Variants in ERP44 observed in about 807,000 individuals in gnomAD.
ERP44 encodes endoplasmic reticulum resident protein 44.
ERP44 carries 25 observed loss-of-function variants against 53.4 expected under a neutral mutation model. The ratio of observed to expected loss-of-function variants is 0.47; its 90% CI spans 0.34 to 0.65. The LOEUF (loss-of-function observed/expected upper bound fraction) is 0.65, where lower values mean the gene tolerates loss of function less well. Ranked by LOEUF, ERP44 falls within the 30% of genes least tolerant of loss-of-function variation. The pLI, the probability that ERP44 is intolerant of heterozygous loss-of-function variation, is 0.01. For missense variants in ERP44, 338 were observed against 493.2 expected (o/e 0.69, Z 2.98); for synonymous variants, 145 against 161.2 (o/e 0.90, Z 0.76).
In ERP44 at chr9:100,057,860, CTGAAAT is replaced by C. The variant is rs1826101374; in HGVS notation, c.131-7_131-2del. 6.3e-7 allele frequency: 1 copy of C among 1,592,826 alleles called. No homozygotes were observed. The highest frequency in any genetic ancestry group is 1.1e-5 in the South Asian group (1 of 88,396). Reference sequence around the variant, plus strand: ...TTTACTAAAGCAACATCAGCATTGTCTGAAATTGAAAGACAAAACCAAATAAGATAT... The same window carrying C: ...TTTACTAAAGCAACATCAGCATTGTCTGAAAGACAAAACCAAATAAGATAT... On this transcript the variant is annotated splice_acceptor_variant and splice_polypyrimidine_tract_variant and intron_variant, in intron 2 of 11. Coordinates refer to ENST00000262455, the MANE Select transcript of ERP44 (RefSeq NM_015051.3). LOFTEE classifies it high-confidence loss of function.
intron 10 of ERP44, among the ~76,000 whole-genome samples, chr9:99,987,769 CT>C (rs377065514): frequency 6.8e-5 from 10 of 147,676 alleles, no homozygotes; most frequent in Non-Finnish European, 1.0e-4. Context: ...ATAAGAATGG[CT>C]TTTTTTTTTC....
chr9:100,085,291 T>C (rs1425197987), intron 1 of ERP44, among the ~76,000 whole-genome samples: 1 of 152,310 alleles, frequency 6.6e-6, no homozygotes, highest in African/African-American at 2.4e-5. Flanking sequence ...CAAGACCATA[T>C]AATGAACTTT....
chr9:100,079,856 G>A (rs1826403463), intron 1 of ERP44, among the ~76,000 whole-genome samples: 1 of 151,202 alleles, frequency 6.6e-6, no homozygotes, highest in Non-Finnish European at 1.5e-5. Flanking sequence ...AATCATTGGA[G>A]CCCAGGAGTT....
chr9:100,074,441 A>G (rs1470173319), intron 1 of ERP44, among the ~76,000 whole-genome samples: 1 of 152,250 alleles, frequency 6.6e-6, no homozygotes, highest in African/African-American at 2.4e-5. Context: ...AGCCTACTGC[A>G]TTCCTACTTA....
intron 1 of ERP44, among the ~76,000 whole-genome samples, chr9:100,068,157 A>G (rs1185011410): frequency 1.4e-5 from 2 of 138,326 alleles, no homozygotes; most frequent in African/African-American, 2.8e-5. Context: ...CCAACTGGGA[A>G]GTGAGGAGCC....
intron 4 of ERP44, among the ~76,000 whole-genome samples, chr9:100,028,184 C>T (rs1830673681): frequency 6.6e-6 from 1 of 152,164 alleles, no homozygotes; most frequent in Non-Finnish European, 1.5e-5. Context: ...GCATGTGCTA[C>T]CTAATCAAGG....
chr9:100,070,163 C>T (rs1458326027), intron 1 of ERP44, among the ~76,000 whole-genome samples: 1 of 152,212 alleles, frequency 6.6e-6, no homozygotes, highest in Non-Finnish European at 1.5e-5. Flanking sequence ...CTTTGTGCTG[C>T]ACTGTAATTC....
At chr9:100,067,721 G>A (rs557206227) in intron 1 of ERP44, among the ~76,000 whole-genome samples, 1 of 150,848 alleles carries the variant, frequency 6.6e-6, no homozygotes, top group Non-Finnish European at 1.5e-5. Flanking sequence ...TCTCTGCCCG[G>A]CCGCCATCCC....
chr9:99,990,993 C>T (rs571825505), intron 10 of ERP44, among the ~76,000 whole-genome samples: 18 of 151,924 alleles, frequency 1.2e-4, no homozygotes, highest in African/African-American at 2.2e-4. Context: ...GCACCCAATA[C>T]GGGAGCATCC....
intron 1 of ERP44, among the ~76,000 whole-genome samples, chr9:100,085,544 A>C (rs565805154): frequency 1.3e-5 from 2 of 152,364 alleles, no homozygotes; most frequent in African/African-American, 4.8e-5. Flanking sequence ...AACTATGATA[A>C]CTATGGTGTA....
intron 1 of ERP44, among the ~76,000 whole-genome samples, chr9:100,060,438 G>A (rs1364707087): frequency 1.3e-5 from 2 of 152,080 alleles, no homozygotes; most frequent in South Asian, 4.2e-4. Context: ...GGAAAACTGG[G>A]AATATACATA....
At chr9:100,020,246 G>A (rs1201417345) in intron 6 of ERP44, among the ~76,000 whole-genome samples, 2 of 152,090 alleles carry the variant, frequency 1.3e-5, no homozygotes, top group Middle Eastern at 3.2e-3. Context: ...GAATGAAGAC[G>A]ATAAAACTCA....
intron 10 of ERP44, among the ~76,000 whole-genome samples, chr9:99,994,717 C>G (rs1418245276): frequency 1.3e-5 from 2 of 152,128 alleles, no homozygotes; most frequent in African/African-American, 4.8e-5. Context: ...TTCCATGGCT[C>G]TATGTACCTA....
intron 4 of ERP44, among the ~76,000 whole-genome samples, chr9:100,045,537 A>C (rs1825956448): frequency 6.6e-6 from 1 of 152,182 alleles, no homozygotes; most frequent in Non-Finnish European, 1.5e-5. Flanking sequence ...ATCCGAAAGA[A>C]CATGTCTAAA....
chr9:100,043,525 C>T (rs973076266), intron 4 of ERP44, among the ~76,000 whole-genome samples: 5 of 151,736 alleles, frequency 3.3e-5, no homozygotes, highest in Non-Finnish European at 7.4e-5. Flanking sequence ...GAGGCTGAGG[C>T]GGGTGGATCA....
At chr9:100,006,682 A>T (rs771778047) in intron 9 of ERP44, 35 bp from the exon 10 acceptor site, 5 of 1,456,388 alleles carry the variant, frequency 3.4e-6, no homozygotes, top group African/African-American at 1.4e-5. Context: ...GGTAAATTCA[A>T]ATTTTCTTGA....
intron 3 of ERP44, among the ~76,000 whole-genome samples, chr9:100,053,160 T>C (rs1232524662): frequency 1.3e-5 from 2 of 152,234 alleles, no homozygotes. Context: ...ATAAGTTATA[T>C]TAAAAGAATA....
chr9:99,995,811 G>A (rs1830303524), intron 10 of ERP44, among the ~76,000 whole-genome samples: 1 of 151,696 alleles, frequency 6.6e-6, no homozygotes, highest in East Asian at 1.9e-4. Context: ...CTTGCCTATT[G>A]TGAATAATGC....
intron 2 of ERP44, among the ~76,000 whole-genome samples, chr9:100,058,885 C>T (rs766452080): frequency 6.6e-6 from 1 of 152,184 alleles, no homozygotes. Flanking sequence ...CTTCAAGTTA[C>T]TTTTTATATA....
Sources: allele counts gnomAD v4.1 joint callset (sites outside exome capture counted in the v4.1 genomes callset), GRCh38; gene constraint gnomAD v4.1.1; transcripts MANE v1.5; gene names NCBI Gene and HGNC (gene_info 2026-07-23, HGNC 2026-07-21).